ANXA4: variants seen among roughly 807,000 people sequenced by gnomAD.
The protein encoded by ANXA4 is 35-beta calcimedin.
ANXA4 carries 39 observed loss-of-function variants against 49.8 expected under a neutral mutation model. The ratio of observed to expected loss-of-function variants is 0.78; its 90% CI spans 0.61 to 1.02. The LOEUF (loss-of-function observed/expected upper bound fraction) is 1.02. ANXA4 is among the 50% of genes least tolerant of loss of function. ANXA4 has a pLI of 0.00. For synonymous variants in ANXA4, 134 were observed against 152.5 expected (o/e 0.88, Z 0.89); for missense variants, 360 against 410.1 (o/e 0.88, Z 1.05).
chr2:69,810,692 T>TG lies in ANXA4; in HGVS notation c.477+25dup, dbSNP rs767116245. ...GTCAGCTGTGAGTGACTGCTTCTGA[T>TG]GGGGGGCGGGTTTTATCGAAATGTC... On this transcript the variant is annotated intron_variant, in intron 7 of 12. Coordinates refer to ENST00000394295, the MANE Select transcript of ANXA4 (RefSeq NM_001153.5). The TG allele has an allele frequency of 1.4e-5, 22 of 1,606,332 alleles. No homozygotes were observed. Among genetic ancestry groups the TG allele is most frequent in the South Asian group, 9.9e-5 (9 of 90,894 alleles).
In ANXA4 at chr2:69,746,024, GT is replaced by G. The variant is rs1670597500; in HGVS notation, c.-47+3853del. Among the ~76,000 whole-genome samples, 6 of 151,064 alleles carry G rather than the reference GT, an allele frequency of 4.0e-5. No individual in the cohort carries two copies. The South Asian group carries it at 1.1e-3, about 27-fold the overall frequency. ...CTTTTGTTTGTTTATTTGTTTGTTT[GT>G]TTTCGAGGCAGAATCTTGCTCTGTC... On this transcript the variant is annotated intron_variant, in intron 1 of 12. Coordinates refer to ENST00000394295, the MANE Select transcript of ANXA4 (RefSeq NM_001153.5).
At chr2:69,647,354 A>AAT (rs200701534) in intron 1 of ANXA4, among the ~76,000 whole-genome samples, 10 of 151,172 alleles carry the variant, frequency 6.6e-5, no homozygotes, top group Non-Finnish European at 1.2e-4. Context: ...GAATTTAAAA[A>AAT]ATATATATAT....
chr2:69,703,878 C>T (rs1274684965), intron 2 of ANXA4, among the ~76,000 whole-genome samples: 2 of 152,072 alleles, frequency 1.3e-5, no homozygotes, highest in African/African-American at 2.4e-5. Context: ...GGATTCAAGC[C>T]ATCCTCCTAC....
intron 11 of ANXA4, among the ~76,000 whole-genome samples, chr2:69,819,959 T>G (rs1390144873): frequency 6.6e-6 from 1 of 151,546 alleles, no homozygotes; most frequent in East Asian, 1.9e-4. Context: ...TCCCATCTGC[T>G]TGGGAGGCTG....
intron 1 of ANXA4, among the ~76,000 whole-genome samples, chr2:69,751,997 TA>T (rs1206399221): frequency 6.6e-6 from 1 of 152,164 alleles, no homozygotes; most frequent in African/African-American, 2.4e-5. Flanking sequence ...AATAATTTGA[TA>T]TATATGTGCA....
At chr2:69,799,886 A>C (rs1461065913) in intron 3 of ANXA4, among the ~76,000 whole-genome samples, 1 of 152,266 alleles carries the variant, frequency 6.6e-6, no homozygotes. Flanking sequence ...TGTTGCTAAC[A>C]GTAACAACAA....
At chr2:69,681,323 T>C (rs181422538) in intron 2 of ANXA4, among the ~76,000 whole-genome samples, 6 of 152,226 alleles carry the variant, frequency 3.9e-5, no homozygotes, top group Non-Finnish European at 8.8e-5. Flanking sequence ...TGATTTTTTG[T>C]ATTTCTGTGG....
chr2:69,674,734 T>C lies in ANXA4; in HGVS notation n.766+21452T>C, dbSNP rs572239284. 2.7e-3 allele frequency among the ~76,000 whole-genome samples: 413 copies of C among 152,292 alleles called. 2 individuals carry two copies. Among genetic ancestry groups the C allele is most frequent in the Non-Finnish European group, 4.0e-3 (271 of 68,016 alleles). On this transcript the variant is annotated intron_variant and non_coding_transcript_variant, in intron 2 of 3. Transcript: ENST00000418066. ...GAAAAGTTTCCACACAGGCTGATTTTCTAGAAATATTGAAATATAAGACAT... is the reference window on the plus strand; with the variant it reads ...GAAAAGTTTCCACACAGGCTGATTTCCTAGAAATATTGAAATATAAGACAT...
At chr2:69,720,722 T>C (rs1669792158) in intron 2 of ANXA4, 1 of 152,194 alleles carries the variant, frequency 6.6e-6, no homozygotes, top group South Asian at 2.1e-4. Flanking sequence ...GTGAACATCA[T>C]TAAAGAAATA....
At position 69,698,324 on chromosome 2, in the gene ANXA4, T is replaced by C. The variant is rs117667805; in HGVS notation, n.767-22450T>C. On this transcript the variant is annotated intron_variant and non_coding_transcript_variant, in intron 2 of 3. Transcript: ENST00000418066. ...TTTTGCGGGACACAAACATTCAGTC[T>C]ATAGCAGATGGAAGATGAAGCCCAG... Among the ~76,000 whole-genome samples, 8 of 152,260 alleles carry C rather than the reference T, an allele frequency of 5.3e-5. No homozygotes were observed. The East Asian group carries it at 1.4e-3, about 26-fold the overall frequency.
rs527498263 is a variant in ANXA4, at chr2:69,684,273, A to G, written n.766+30991A>G. On this transcript the variant is annotated intron_variant and non_coding_transcript_variant, in intron 2 of 3. Transcript: ENST00000418066. ...CAACTCATGAAAGGAATCTCTTATCAAATATCTATCCTACCATCAAATTGC... is the reference window on the plus strand; with the variant it reads ...CAACTCATGAAAGGAATCTCTTATCGAATATCTATCCTACCATCAAATTGC... 5.3e-5 allele frequency among the ~76,000 whole-genome samples: 8 copies of G among 152,340 alleles called. No homozygotes were observed. In the South Asian group the frequency reaches 1.4e-3, roughly 28 times the overall value.
At chr2:69,780,487 C>T (rs1429614475) in intron 1 of ANXA4, among the ~76,000 whole-genome samples, 4 of 152,204 alleles carry the variant, frequency 2.6e-5, no homozygotes, top group African/African-American at 9.6e-5. Flanking sequence ...TGAGCCACCA[C>T]GCCCAGCCAG....
At chr2:69,768,023 T>C (rs1418940381) in intron 1 of ANXA4, among the ~76,000 whole-genome samples, 1 of 152,060 alleles carries the variant, frequency 6.6e-6, no homozygotes, top group Non-Finnish European at 1.5e-5. Context: ...ACACATACTA[T>C]ATAGTATATG....
chr2:69,672,378 T>C (rs1484386260), intron 2 of ANXA4, among the ~76,000 whole-genome samples: 4 of 151,972 alleles, frequency 2.6e-5, no homozygotes, highest in Non-Finnish European at 1.5e-5. Flanking sequence ...TTTACAGTTA[T>C]GTGCCACCAC....
chr2:69,726,891 A>AAT (rs763718465), intron 3 of ANXA4, among the ~76,000 whole-genome samples: 39 of 151,776 alleles, frequency 2.6e-4, no homozygotes, highest in African/African-American at 6.5e-4. Context: ...CACACAAGCA[A>AAT]ATATATATAT....
chr2:69,699,668 AAAC>A (rs537257358), intron 2 of ANXA4, among the ~76,000 whole-genome samples: 3 of 152,268 alleles, frequency 2.0e-5, no homozygotes, highest in South Asian at 2.1e-4. Flanking sequence ...AACAAGAAAC[AAAC>A]AACAACAGAA....
rs1264868882 is a variant in ANXA4 at position 69,826,960 on chromosome 2, G to A, written c.*1445G>A. ...AAAAAAATCATATTTAGTCTTATGCGTGCCTACTGGCTAATGTTCACATAT... is the reference window on the plus strand; with the variant it reads ...AAAAAAATCATATTTAGTCTTATGCATGCCTACTGGCTAATGTTCACATAT... On this transcript the variant is annotated 3_prime_UTR_variant, in exon 13 of 13. Transcript: ENST00000394295. 2.0e-5 allele frequency: 3 copies of A among 151,936 alleles called. No individual in the cohort carries two copies. The highest frequency in any genetic ancestry group is 2.9e-5 in the Non-Finnish European group (2 of 68,012). The allele number at this position is 151,936 out of a possible 1,614,324, so 9.4% of individuals were successfully genotyped here. A position where few individuals can be genotyped will look rare whatever the true frequency, so the allele number is the denominator to read the frequency against.
chr2:69,668,760 G>C (rs1187380010), intron 2 of ANXA4, among the ~76,000 whole-genome samples: 1 of 152,170 alleles, frequency 6.6e-6, no homozygotes, highest in Non-Finnish European at 1.5e-5. Flanking sequence ...TGTGGAATGA[G>C]ACACTTTGGC....
At chr2:69,719,586 C>G (rs1669764005) in intron 2 of ANXA4, among the ~76,000 whole-genome samples, 1 of 151,174 alleles carries the variant, frequency 6.6e-6, no homozygotes, top group South Asian at 2.1e-4. Context: ...ATTACAGGCG[C>G]CCACCAACAC....
Sources: allele counts gnomAD v4.1 joint callset (sites outside exome capture counted in the v4.1 genomes callset), GRCh38; gene constraint gnomAD v4.1.1; transcripts MANE v1.5; gene names NCBI Gene and HGNC (gene_info 2026-07-23, HGNC 2026-07-21).